Variants in DENND11 observed in about 807,000 individuals in gnomAD.
The protein encoded by DENND11 is DENN domain containing 11.
DENND11 carries 34 observed loss-of-function variants against 49.2 expected under a neutral mutation model. The observed-to-expected ratio is 0.69, with a 90% CI of 0.53 to 0.92. The LOEUF is 0.92. DENND11 is among the 40% of genes least tolerant of loss of function. The probability of loss-of-function intolerance (pLI) is 0.00; values close to 1 mark genes in which losing one functional copy is unlikely to be tolerated. For missense variants in DENND11, 475 were observed against 581.6 expected (o/e 0.82, Z 1.88); for synonymous variants, 238 against 230.3 (o/e 1.03, Z -0.30).
At chr7:141,701,809 G>C in intron 1 of DENND11, 77 bp downstream of exon 1, 1 of 1,098,342 alleles carries the variant, frequency 9.1e-7, no homozygotes, top group Non-Finnish European at 1.1e-6. Flanking sequence ...CGCGCGCAGC[G>C]AGCCCCTCCC....
chr7:141,661,888 C>A lies in DENND11; in HGVS notation c.*768G>T, dbSNP rs1391240883. ...TGGAAAATTAATTTGCTTGCAAGCTCCAAGGCCAGCATTGGCCCTTAGCAA... is the reference window on the plus strand; with the variant it reads ...TGGAAAATTAATTTGCTTGCAAGCTACAAGGCCAGCATTGGCCCTTAGCAA... On this transcript the variant is annotated 3_prime_UTR_variant, in exon 9 of 9. Coordinates refer to ENST00000536163, the MANE Select transcript of DENND11 (RefSeq NM_001080392.2). 2 of 152,208 alleles carry A rather than the reference C, an allele frequency of 1.3e-5. No homozygotes were observed. Among genetic ancestry groups the A allele is most frequent in the Non-Finnish European group, 2.9e-5 (2 of 68,040 alleles). The allele number at this position is 152,208 out of a possible 1,614,324, so 9.4% of individuals were successfully genotyped here.
In DENND11 at chr7:141,657,638, C is replaced by A. The variant is rs1182115026; in HGVS notation, c.*5018G>T. On this transcript the variant is annotated 3_prime_UTR_variant, in exon 9 of 9. Coordinates refer to ENST00000536163, the MANE Select transcript of DENND11 (RefSeq NM_001080392.2). ...CATTCTATAGCAAACATAAGTAATT[C>A]ACACCTGGCCTACTATGAAAATTAA... 1.3e-5 allele frequency: 2 copies of A among 152,226 alleles called. No homozygotes were observed. The highest frequency in any genetic ancestry group is 2.9e-5 in the Non-Finnish European group (2 of 68,034). 9.4% of individuals were successfully genotyped at this position (152,226 alleles called of 1,614,324 possible). A position where few individuals can be genotyped will look rare whatever the true frequency, so the allele number is the denominator to read the frequency against.
At chr7:141,684,908 C>A (rs910021638) in intron 3 of DENND11, among the ~76,000 whole-genome samples, 10 of 150,416 alleles carry the variant, frequency 6.6e-5, no homozygotes, top group African/African-American at 2.4e-4. Flanking sequence ...GGCACCTTGG[C>A]TCATGCCTAT....
At chr7:141,670,257 T>C (rs894817069) in intron 4 of DENND11, among the ~76,000 whole-genome samples, 4 of 152,176 alleles carry the variant, frequency 2.6e-5, no homozygotes, top group South Asian at 2.1e-4. Context: ...ATCAATACTT[T>C]CCATGTTTAT....
At position 141,658,062 on chromosome 7, in the gene DENND11, A is replaced by T. The variant is rs1797725712; in HGVS notation, c.*4594T>A. 6.6e-6 allele frequency: 1 copy of T among 152,200 alleles called. No homozygotes were observed. The highest frequency in any genetic ancestry group is 2.4e-5 in the African/African-American group (1 of 41,434). The allele number at this position is 152,200 out of a possible 1,614,324, so 9.4% of individuals were successfully genotyped here. The stretch of plus-strand genomic sequence containing the variant: ...AGCACAATCTCCTTATTCACTCTCC[A>T]AATTATTTACATAGTAAAACTTCTA... On this transcript the variant is annotated 3_prime_UTR_variant, in exon 9 of 9. Coordinates refer to ENST00000536163, the MANE Select transcript of DENND11 (RefSeq NM_001080392.2).
intron 1 of DENND11, among the ~76,000 whole-genome samples, chr7:141,691,615 T>A (rs1798327625): frequency 6.6e-6 from 1 of 152,206 alleles, no homozygotes; most frequent in South Asian, 2.1e-4. Flanking sequence ...TAAGCCCATC[T>A]GGGTTGGGAA....
Position 141,674,084 on chromosome 7 carries a change from T to G in DENND11, c.664A>C (p.Met222Leu). ...AACCTCACCTTCATCTCAGGGTACA[T>G]GTATCGGTGGATGGAAGGCAGCCAG... is the stretch of plus-strand genomic sequence containing the variant. ...VYWLPSIHRY[M>L]YPEMKITHPA... Residue 222 changes from methionine (M) to leucine (L), a missense_variant, in exon 4 of 9, where the codon ATG becomes CTG. By Grantham distance (15) the Met-to-Leu change is conservative. Coordinates refer to ENST00000536163, the MANE Select transcript of DENND11 (RefSeq NM_001080392.2). 3 of 1,605,330 alleles carry G rather than the reference T, an allele frequency of 1.9e-6. No homozygotes were observed. The highest frequency in any genetic ancestry group is 1.7e-6 in the Non-Finnish European group (2 of 1,176,172).
intron 1 of DENND11, among the ~76,000 whole-genome samples, chr7:141,699,358 G>A (rs532449999): frequency 5.3e-4 from 80 of 152,168 alleles, no homozygotes; most frequent in African/African-American, 1.7e-3. Flanking sequence ...TGCTAACCTT[G>A]AGGCCCTCAG....
At chr7:141,685,029 AATATATAT>A (rs1167922771) in intron 3 of DENND11, among the ~76,000 whole-genome samples, 135 of 91,506 alleles carry the variant, frequency 1.5e-3, no homozygotes, top group Middle Eastern at 0.01. Context: ...AAAAAAAAAA[AATATATAT>A]ATATATATAT....
intron 1 of DENND11, among the ~76,000 whole-genome samples, chr7:141,698,163 G>C (rs1251938892): frequency 6.6e-6 from 1 of 152,122 alleles, no homozygotes; most frequent in African/African-American, 2.4e-5. Context: ...AAGCTTCATC[G>C]GCCTCCATCC....
intron 4 of DENND11, among the ~76,000 whole-genome samples, chr7:141,670,739 G>C (rs1018111921): frequency 2.0e-5 from 3 of 152,238 alleles, no homozygotes; most frequent in African/African-American, 7.2e-5. Flanking sequence ...GTAAGTCAAG[G>C]ACTGTTGGCT....
Position 141,685,564 on chromosome 7 carries a change from A to G in DENND11, c.441T>C (p.Arg147=). The change falls in exon 3 of 9, where the codon CGT becomes CGC. Residue 147 remains arginine (R), a synonymous_variant. Transcript: ENST00000536163. ...ANMPVESELE[R]GARMKSVGIL... is the part of the protein sequence containing the mutation. ...TGCCCACAGACTTCATCCGCGCGCC[A>G]CGTTCCAGCTCGCTCTCCACGGGCA... 1 of 1,614,004 alleles carries G rather than the reference A, an allele frequency of 6.2e-7. No homozygotes were observed. Among genetic ancestry groups the G allele is most frequent in the Non-Finnish European group, 8.5e-7 (1 of 1,179,880 alleles).
At chr7:141,685,431 G>A (rs1331312270) in intron 3 of DENND11, 47 bp downstream of exon 3, 9 of 1,604,548 alleles carry the variant, frequency 5.6e-6, no homozygotes, top group Non-Finnish European at 7.7e-6. Context: ...ATATGCACCA[G>A]CTGGTGGATC....
chr7:141,694,379 A>G (rs950425062), intron 1 of DENND11, among the ~76,000 whole-genome samples: 21 of 151,928 alleles, frequency 1.4e-4, no homozygotes, highest in Admixed American at 3.3e-4. Context: ...GCCCATCTCA[A>G]CCTCCCAAAC....
Position 141,684,951 on chromosome 7 carries a change from G to C in DENND11, c.527+527C>G, listed in dbSNP as rs1274532125. Reference sequence around the variant, plus strand: ...GCTCTTTGGCAGGCTGAGGCAGGAGGATCACTTGACTGCAGGAGTTCAGGA... The same window carrying C: ...GCTCTTTGGCAGGCTGAGGCAGGAGCATCACTTGACTGCAGGAGTTCAGGA... On this transcript the variant is annotated intron_variant, in intron 3 of 8. Transcript: ENST00000536163. 2.2e-5 allele frequency among the ~76,000 whole-genome samples: 3 copies of C among 139,530 alleles called. No individual in the cohort carries two copies. The South Asian group carries it at 6.9e-4, about 32-fold the overall frequency. The allele number at this position is 139,530 out of a possible 152,430, so 91.5% of individuals were successfully genotyped here.
Position 141,686,551 on chromosome 7 carries a change from G to A in DENND11, c.368+8C>T. 1 of 1,572,774 alleles carries A rather than the reference G, an allele frequency of 6.4e-7. No individual in the cohort carries two copies. The highest frequency in any genetic ancestry group is 8.7e-7 in the Non-Finnish European group (1 of 1,144,256). ...GTACGAAGATGACTCCAGTTCAGAA[G>A]TACTTACATGAAATCAGATTGGATT... On this transcript the variant is annotated splice_region_variant and intron_variant, in intron 2 of 8. Transcript: ENST00000536163.
At chr7:141,664,547 C>T (rs143706196) in intron 7 of DENND11, among the ~76,000 whole-genome samples, 11 of 152,292 alleles carry the variant, frequency 7.2e-5, no homozygotes, top group East Asian at 5.8e-4. Flanking sequence ...GCTTCTAATA[C>T]GGCGACCAAC....
At chr7:141,670,437 TAAGAAA>T (rs1797963581) in intron 4 of DENND11, among the ~76,000 whole-genome samples, 1 of 152,084 alleles carries the variant, frequency 6.6e-6, no homozygotes, top group African/African-American at 2.4e-5. Flanking sequence ...AGAATAACAA[TAAGAAA>T]ATTTAATACA....
intron 3 of DENND11, among the ~76,000 whole-genome samples, chr7:141,682,043 G>A (rs1798154953): frequency 6.6e-6 from 1 of 152,190 alleles, no homozygotes; most frequent in South Asian, 2.1e-4. Flanking sequence ...TTTCCAAACA[G>A]AAGCTTGTAT....
Sources: gnomAD v4.1 joint callset for allele counts (sites outside exome capture counted in the v4.1 genomes callset) on GRCh38, gnomAD v4.1.1 for gene constraint, MANE v1.5 for transcripts, NCBI Gene and HGNC (gene_info 2026-07-23, HGNC 2026-07-21) for gene names.